Variants in PIP5K1B observed in about 807,000 individuals in gnomAD.
PIP5K1B encodes the protein phosphatidylinositol 4-phosphate 5-kinase type-1 beta.
A neutral mutation model predicts 67.0 loss-of-function variants in PIP5K1B; 42 were observed. The ratio of observed to expected loss-of-function variants is 0.63; its 90% confidence interval spans 0.49 to 0.81. The LOEUF is 0.81. Among genes scored for constraint, PIP5K1B ranks in the 30% least tolerant of loss-of-function variants. The pLI, the probability that PIP5K1B is intolerant of heterozygous loss-of-function variation, is 0.00. For missense variants in PIP5K1B, 459 were observed against 646.3 expected (o/e 0.71, Z 3.14); for synonymous variants, 214 against 231.4 (o/e 0.92, Z 0.68).
intron 1 of PIP5K1B, among the ~76,000 whole-genome samples, chr9:68,729,900 T>A (rs1459245783): frequency 2.0e-5 from 3 of 152,102 alleles, no homozygotes; most frequent in Non-Finnish European, 4.4e-5. Flanking sequence ...ATCCAGTAAT[T>A]TCCCTTTTCA....
chr9:68,809,424 GA>G (rs1833040692), intron 2 of PIP5K1B, among the ~76,000 whole-genome samples: 1 of 152,090 alleles, frequency 6.6e-6, no homozygotes, highest in African/African-American at 2.4e-5. Flanking sequence ...GTTTTCCTAA[GA>G]ATAGCTCCCT....
intron 2 of PIP5K1B, among the ~76,000 whole-genome samples, chr9:68,777,779 T>C (rs905103985): frequency 6.6e-6 from 1 of 152,236 alleles, no homozygotes; most frequent in Admixed American, 6.5e-5. Flanking sequence ...TTGATAATAA[T>C]GTAGTAATAT....
At chr9:68,826,695 A>G (rs1429264911) in intron 4 of PIP5K1B, among the ~76,000 whole-genome samples, 1 of 152,196 alleles carries the variant, frequency 6.6e-6, no homozygotes, top group African/African-American at 2.4e-5. Flanking sequence ...CACATGAAAA[A>G]ATTAAATCTT....
chr9:68,942,230 A>G (rs555506485), intron 14 of PIP5K1B, among the ~76,000 whole-genome samples: 1 of 152,272 alleles, frequency 6.6e-6, no homozygotes, highest in Non-Finnish European at 1.5e-5. Flanking sequence ...ACATGGGTCT[A>G]TATAAAGTTC....
At chr9:68,774,626 T>C (rs558153666) in intron 2 of PIP5K1B, among the ~76,000 whole-genome samples, 1 of 152,312 alleles carries the variant, frequency 6.6e-6, no homozygotes, top group African/African-American at 2.4e-5. Context: ...CATATCAGGA[T>C]ATAGAACATT....
chr9:68,941,970 A>G (rs561704505), intron 14 of PIP5K1B, among the ~76,000 whole-genome samples: 2 of 152,330 alleles, frequency 1.3e-5, no homozygotes, highest in African/African-American at 4.8e-5. Context: ...TAGCAAGGTG[A>G]GCCGCAAATC....
chr9:68,797,201 G>A (rs1460571150), intron 2 of PIP5K1B, among the ~76,000 whole-genome samples: 1 of 152,142 alleles, frequency 6.6e-6, no homozygotes, highest in Admixed American at 6.5e-5. Flanking sequence ...TAATGTCTAC[G>A]ATGCTTTGTT....
intron 2 of PIP5K1B, among the ~76,000 whole-genome samples, chr9:68,811,702 A>G (rs1349104460): frequency 6.6e-6 from 1 of 152,178 alleles, no homozygotes; most frequent in Non-Finnish European, 1.5e-5. Context: ...TTTCATCACC[A>G]TCTCTTGCTT....
chr9:68,754,187 T>TTTTTTTTTTTTTTTTA (rs1564109761), intron 2 of PIP5K1B, among the ~76,000 whole-genome samples: 1 of 138,740 alleles, frequency 7.2e-6, no homozygotes, highest in Non-Finnish European at 1.6e-5. Flanking sequence ...TTTTTTTTTT[T>TTTTTTTTTTTTTTTTA]GAGACAGAGT....
chr9:68,760,674 G>A (rs1271204449), intron 2 of PIP5K1B, among the ~76,000 whole-genome samples: 3 of 152,018 alleles, frequency 2.0e-5, no homozygotes, highest in African/African-American at 7.2e-5. Flanking sequence ...TTATCTCTCT[G>A]TCCTCACCTC....
intron 2 of PIP5K1B, among the ~76,000 whole-genome samples, chr9:68,778,108 C>CTG (rs1436647941): frequency 6.6e-6 from 1 of 152,052 alleles, no homozygotes; most frequent in Non-Finnish European, 1.5e-5. Flanking sequence ...ATGCGAAATT[C>CTG]TCTCTTTAAT....
intron 14 of PIP5K1B, among the ~76,000 whole-genome samples, chr9:68,953,597 T>C (rs766878229): frequency 6.6e-6 from 1 of 151,808 alleles, no homozygotes; most frequent in Non-Finnish European, 1.5e-5. Flanking sequence ...AGGAGGACTG[T>C]TGGAGCCCAG....
At chr9:68,972,958 C>T (rs766041758) in intron 14 of PIP5K1B, among the ~76,000 whole-genome samples, 16 of 152,130 alleles carry the variant, frequency 1.1e-4, no homozygotes, top group Admixed American at 1.3e-4. Context: ...AGGTGCCTTC[C>T]GAAGGCAAGC....
chr9:68,791,235 C>A (rs1250177217), intron 2 of PIP5K1B, among the ~76,000 whole-genome samples: 1 of 152,142 alleles, frequency 6.6e-6, no homozygotes, highest in East Asian at 1.9e-4. Flanking sequence ...ATCTCCCTTG[C>A]TTTAAGGACA....
chr9:68,946,282 C>T (rs1022219679), intron 14 of PIP5K1B, among the ~76,000 whole-genome samples: 1 of 152,234 alleles, frequency 6.6e-6, no homozygotes, highest in Non-Finnish European at 1.5e-5. Context: ...TTGCAGCTAC[C>T]TGCCATACCT....
intron 6 of PIP5K1B, among the ~76,000 whole-genome samples, chr9:68,886,636 T>C (rs376753672): frequency 6.6e-6 from 1 of 152,276 alleles, no homozygotes; most frequent in African/African-American, 2.4e-5. Context: ...CAGGAAGCAA[T>C]TGATCTTTTA....
chr9:68,933,528 G>C (rs1222703933), intron 12 of PIP5K1B, among the ~76,000 whole-genome samples: 4 of 151,936 alleles, frequency 2.6e-5, no homozygotes, highest in Non-Finnish European at 5.9e-5. Flanking sequence ...TAAAGAACTA[G>C]AAAATGAACC....
At chr9:68,981,873 G>C (rs1186367325) in intron 14 of PIP5K1B, among the ~76,000 whole-genome samples, 1 of 151,968 alleles carries the variant, frequency 6.6e-6, no homozygotes, top group Non-Finnish European at 1.5e-5. Flanking sequence ...TAGAGAGACA[G>C]CCAGGAAGAA....
chr9:68,744,890 G>A (rs570823619), intron 2 of PIP5K1B, among the ~76,000 whole-genome samples: 6 of 152,062 alleles, frequency 3.9e-5, no homozygotes, highest in African/African-American at 9.7e-5. Context: ...CAATCCATTC[G>A]TACTCCTGTC....
Sources: allele counts gnomAD v4.1 joint callset (sites outside exome capture counted in the v4.1 genomes callset), GRCh38; gene constraint gnomAD v4.1.1; transcripts MANE v1.5; gene names NCBI Gene and HGNC (gene_info 2026-07-23, HGNC 2026-07-21).